VWF: variants seen among roughly 807,000 people sequenced by gnomAD.
VWF encodes the protein von Willebrand factor.
VWF carries 176 observed loss-of-function variants against 308.6 expected under a neutral mutation model. That is an observed-to-expected ratio of 0.57 (90% CI 0.50 to 0.65). VWF has a LOEUF of 0.65. Among genes scored for constraint, VWF ranks in the 30% least tolerant of loss-of-function variants. The probability of loss-of-function intolerance (pLI) is 0.00; values close to 1 mark genes in which losing one functional copy is unlikely to be tolerated. For missense variants in VWF, 3,146 were observed against 3,648.2 expected (o/e 0.86, Z 3.55); for synonymous variants, 1,385 against 1,443.4 (o/e 0.96, Z 0.92).
At chr12:6,074,060 T>G in intron 7 of VWF, among the ~76,000 whole-genome samples, 1 of 151,976 alleles carries the variant, frequency 6.6e-6, no homozygotes, top group East Asian at 1.9e-4. Flanking sequence ...CCTTTCAGAG[T>G]GACACCAAAC....
intron 10 of VWF, among the ~76,000 whole-genome samples, chr12:6,068,131 T>C (rs987220913): frequency 1.5e-5 from 2 of 135,024 alleles, no homozygotes; most frequent in African/African-American, 5.8e-5. Flanking sequence ...TGAAACTCTG[T>C]CTCAAAAAAA....
rs1183750384 is a variant in VWF, at chr12:6,062,842, A to G, written c.1533+112T>C. 3.5e-6 allele frequency: 3 copies of G among 868,502 alleles called. No homozygotes were observed. The African/African-American group carries it at 4.9e-5, about 14-fold the overall frequency. 53.8% of individuals were successfully genotyped at this position (868,502 alleles called of 1,614,324 possible). A position where few individuals can be genotyped will look rare whatever the true frequency, so the allele number is the denominator to read the frequency against. ...GTTTCTCGCTCTGGGGGTGTAGGCC[A>G]TGAGGAGAAAGGAATTCTTCTCCCA... is the stretch of plus-strand genomic sequence containing the variant. On this transcript the variant is annotated intron_variant, in intron 13 of 51. Coordinates refer to ENST00000261405, the MANE Select transcript of VWF (RefSeq NM_000552.5).
Position 6,060,727 on chromosome 12 carries a change from A to G in VWF, c.1533+2227T>C, listed in dbSNP as rs1944646105. 6.6e-6 allele frequency among the ~76,000 whole-genome samples: 1 copy of G among 152,178 alleles called. No individual in the cohort carries two copies. Among genetic ancestry groups the G allele is most frequent in the Non-Finnish European group, 1.5e-5 (1 of 68,018 alleles). The stretch of plus-strand genomic sequence containing the variant: ...ACAAACCCACCCCAAAGATAACCCT[A>G]CATCCCCTCCCACAGAAAGAAGTTG... On this transcript the variant is annotated intron_variant, in intron 13 of 51. Transcript: ENST00000261405. This position sits in a 1 kb window ranked among gnomAD's most constrained non-coding sequence, Gnocchi z 5.1.
chr12:6,048,383 A>C (rs1310679994), intron 16 of VWF, among the ~76,000 whole-genome samples: 1 of 150,920 alleles, frequency 6.6e-6, no homozygotes, highest in Non-Finnish European at 1.5e-5. Context: ...GGCCAGGATG[A>C]TCTCGATCTC....
intron 11 of VWF, among the ~76,000 whole-genome samples, chr12:6,064,925 T>C (rs1944694425): frequency 6.6e-6 from 1 of 152,170 alleles, no homozygotes; most frequent in Non-Finnish European, 1.5e-5. Context: ...GGAGGCATTA[T>C]TGTCAGGGCA....
rs216313 is a variant in VWF at position 6,020,098 on chromosome 12, A to G, written c.3675-355T>C. Among the ~76,000 whole-genome samples, 7,582 of 152,306 alleles carry G rather than the reference A, an allele frequency of 0.05. 260 individuals carry two copies. Among genetic ancestry groups the G allele is most frequent in the Middle Eastern group, 0.14 (41 of 294 alleles). ...ACATCTTTAGCAACATGAATACTTA[A>G]TTATAATCCAAGCCTTCTTACAAGT... On this transcript the variant is annotated intron_variant, in intron 27 of 51. Coordinates refer to ENST00000261405, the MANE Select transcript of VWF (RefSeq NM_000552.5). This position sits in a 1 kb window ranked among gnomAD's most constrained non-coding sequence, Gnocchi z 4.3.
rs774417194 is a variant in VWF, at chr12:6,058,202, G to A, written c.1534-158C>T. On this transcript the variant is annotated intron_variant, in intron 13 of 51. Coordinates refer to ENST00000261405, the MANE Select transcript of VWF (RefSeq NM_000552.5). This position sits in a 1 kb window ranked among gnomAD's most constrained non-coding sequence, Gnocchi z 4.9. ...CAGCTAAGCCCTAGGCTGCAAAAGG[G>A]GGGGCGGGGGAAAGTGAACTGCAGT... Among the ~76,000 whole-genome samples, 1 of 152,194 alleles carries A rather than the reference G, an allele frequency of 6.6e-6. No homozygotes were observed. Among genetic ancestry groups the A allele is most frequent in the East Asian group, 1.9e-4 (1 of 5,204 alleles).
At chr12:6,098,903 G>C (rs147276881) in intron 5 of VWF, among the ~76,000 whole-genome samples, 2,049 of 152,154 alleles carry the variant, frequency 0.013, 23 homozygotes, top group Non-Finnish European at 0.022. Context: ...AGGGGTGTGG[G>C]TTTAACAGCT....
intron 5 of VWF, among the ~76,000 whole-genome samples, chr12:6,104,108 G>A (rs953715825): frequency 1.3e-5 from 2 of 152,092 alleles, no homozygotes; most frequent in Non-Finnish European, 2.9e-5. Context: ...CAAGAAGTGG[G>A]CAAAGGACAT....
chr12:5,994,229 A>G, intron 36 of VWF, 26 bp from the exon 37 acceptor site: 1 of 1,613,122 alleles, frequency 6.2e-7, no homozygotes, highest in Non-Finnish European at 8.5e-7. Flanking sequence ...AACAAAAAAA[A>G]GATAAACTGA....
Position 5,952,173 on chromosome 12 carries a change from G to T in VWF, c.8115+218C>A. On this transcript the variant is annotated intron_variant, in intron 49 of 51. Transcript: ENST00000261405. ...ATTTTATTCAAGAATCACACACTCA[G>T]CCTCCCTTAAGGAAAATATTTTTTT... 4.3e-6 allele frequency: 3 copies of T among 702,794 alleles called. No individual in the cohort carries two copies. The East Asian group carries it at 8.2e-5, about 19-fold the overall frequency. 43.5% of individuals were successfully genotyped at this position (702,794 alleles called of 1,614,324 possible).
At chr12:5,966,302 C>T (rs931415576) in intron 47 of VWF, among the ~76,000 whole-genome samples, 12 of 152,138 alleles carry the variant, frequency 7.9e-5, no homozygotes, top group Non-Finnish European at 1.3e-4. Flanking sequence ...CACACACACA[C>T]GTGTGCACAC....
At chr12:6,018,282 C>G (rs1004895842) in intron 28 of VWF, 83 bp downstream of exon 28, 2 of 1,511,076 alleles carry the variant, frequency 1.3e-6, no homozygotes, top group Admixed American at 3.9e-5. Context: ...GAACCCGAGT[C>G]GTATCTTGGC....
chr12:6,021,793 T>C (rs1280336922), intron 27 of VWF, 107 bp downstream of exon 27: 4 of 1,283,982 alleles, frequency 3.1e-6, no homozygotes, highest in Non-Finnish European at 4.5e-6. Context: ...AAACTCAGTC[T>C]CTCAACTCAT....
At chr12:6,027,073 T>C (rs1329016693) in intron 22 of VWF, among the ~76,000 whole-genome samples, 2 of 152,158 alleles carry the variant, frequency 1.3e-5, no homozygotes, top group African/African-American at 2.4e-5. Context: ...GTACAAGGGG[T>C]GTAAGTCACC....
In VWF at chr12:6,110,955, A is replaced by C; in HGVS notation, c.234T>G (p.Asn78Lys). The change falls in exon 4 of 52, where the codon AAT becomes AAG. Residue 78 changes from asparagine to lysine, a missense_variant. Physicochemically the swap from Asn to Lys is moderately conservative, Grantham distance 94. Coordinates refer to ENST00000261405, the MANE Select transcript of VWF (RefSeq NM_000552.5). ...RSFSIIGDFQ[N>K]GKRVSLSVYL... ...ACACGGAGAGGCTCACTCTCTTGCC[A>C]TTCTGGAAGTCCCCTGAAAGAGAAA... The C allele has an allele frequency of 6.2e-7, 1 of 1,614,158 alleles. No homozygotes were observed. Among genetic ancestry groups the C allele is most frequent in the Non-Finnish European group, 8.5e-7 (1 of 1,180,002 alleles).
rs370416209 is a variant in VWF at position 6,057,940 on chromosome 12, C to T, written c.1638G>A (p.Val546=). The T allele has an allele frequency of 6.2e-7, 1 of 1,613,578 alleles. No individual in the cohort carries two copies. Among genetic ancestry groups the T allele is most frequent in the African/African-American group, 1.3e-5 (1 of 74,912 alleles). The part of the protein sequence containing the change: ...LTPSGLAEPR[V]EDFGNAWKLH... Reference sequence around the variant, plus strand: ...GCTTCCAGGCGTTCCCGAAGTCCTCCACCCGGGGCTCCGCCAGCCCAGAGG... The same window carrying T: ...GCTTCCAGGCGTTCCCGAAGTCCTCTACCCGGGGCTCCGCCAGCCCAGAGG... Residue 546 remains valine (V), a synonymous_variant, in exon 14 of 52, where the codon GTG becomes GTA. Transcript: ENST00000261405.
chr12:6,082,636 C>T (rs1271541178), intron 6 of VWF, among the ~76,000 whole-genome samples: 3 of 152,252 alleles, frequency 2.0e-5, no homozygotes, highest in Non-Finnish European at 2.9e-5. Flanking sequence ...GCAAATGTTG[C>T]GCTGTAGCCA....
chr12:6,004,944 C>T (rs557707822), intron 34 of VWF, among the ~76,000 whole-genome samples: 1 of 152,118 alleles, frequency 6.6e-6, no homozygotes, highest in Non-Finnish European at 1.5e-5. Context: ...AGTGGACAAA[C>T]TTGTTCTTGG....
Sources: allele counts gnomAD v4.1 joint callset (sites outside exome capture counted in the v4.1 genomes callset), GRCh38; gene constraint gnomAD v4.1.1; non-coding constraint Gnocchi (gnomAD v3.1); transcripts MANE v1.5; gene names NCBI Gene and HGNC (gene_info 2026-07-23, HGNC 2026-07-21).